KMT2C: variants seen among roughly 807,000 people sequenced by gnomAD.
The protein encoded by KMT2C is histone-lysine N-methyltransferase 2C.
KMT2C carries 88 observed loss-of-function variants against 507.9 expected under a neutral mutation model. The observed-to-expected ratio is 0.17, with a 90% CI of 0.15 to 0.21. The LOEUF (loss-of-function observed/expected upper bound fraction) is 0.21, where lower values mean the gene tolerates loss of function less well. Among genes scored for constraint, KMT2C ranks in the 10% least tolerant of loss-of-function variants. KMT2C has a pLI of 1.00. For missense variants in KMT2C, 4,954 were observed against 5,957.8 expected (o/e 0.83, Z 5.55); for synonymous variants, 2,049 against 2,080.8 (o/e 0.98, Z 0.42).
At chr7:152,290,222 G>A (rs534223249) in intron 6 of KMT2C, among the ~76,000 whole-genome samples, 1,102 of 64,940 alleles carry the variant, frequency 0.017, 19 homozygotes, top group African/African-American at 0.089. Context: ...ATATATATAT[G>A]TGTGTGTGTG....
chr7:152,387,194 T>C (rs1156512767), intron 1 of KMT2C, among the ~76,000 whole-genome samples: 2 of 149,080 alleles, frequency 1.3e-5, no homozygotes, highest in Non-Finnish European at 2.9e-5. Flanking sequence ...TTTTAACTTT[T>C]TAATTAAATA....
chr7:152,411,819 T>C (rs1045690152), intron 1 of KMT2C, among the ~76,000 whole-genome samples: 8 of 152,300 alleles, frequency 5.3e-5, no homozygotes, highest in Non-Finnish European at 8.8e-5. Flanking sequence ...GAACGCGTTT[T>C]AACATCATTT....
intron 6 of KMT2C, among the ~76,000 whole-genome samples, chr7:152,309,724 T>C (rs2096653830): frequency 6.6e-6 from 1 of 151,900 alleles, no homozygotes. Context: ...TTTTACCATG[T>C]TGGCCAGGCT....
At chr7:152,222,117 G>T (rs2129146688) in intron 21 of KMT2C, 51 bp from the exon 22 acceptor site, 1 of 1,225,914 alleles carries the variant, frequency 8.2e-7, no homozygotes, top group Non-Finnish European at 1.2e-6. Flanking sequence ...AAGGTAAAGT[G>T]TATTTAAATA....
intron 6 of KMT2C, among the ~76,000 whole-genome samples, chr7:152,284,800 A>G (rs1392842133): frequency 6.6e-6 from 1 of 152,264 alleles, no homozygotes; most frequent in Non-Finnish European, 1.5e-5. Flanking sequence ...GCAAAAAAAG[A>G]CATAAAAAGA....
intron 6 of KMT2C, among the ~76,000 whole-genome samples, chr7:152,286,247 A>G (rs1037363218): frequency 5.2e-5 from 8 of 152,428 alleles, no homozygotes; most frequent in African/African-American, 1.9e-4. Context: ...CAGAAAAAGA[A>G]TAAGAAATAA....
At chr7:152,291,427 A>T (rs2096425076) in intron 6 of KMT2C, among the ~76,000 whole-genome samples, 5 of 152,216 alleles carry the variant, frequency 3.3e-5, no homozygotes, top group Non-Finnish European at 7.4e-5. Context: ...GCTAATAAAT[A>T]ATACAGTAAA....
chr7:152,373,966 T>C (rs1188834827), intron 1 of KMT2C, among the ~76,000 whole-genome samples: 1 of 152,144 alleles, frequency 6.6e-6, no homozygotes, highest in East Asian at 1.9e-4. Context: ...TAGAATATGA[T>C]AAAGTGCTCA....
chr7:152,428,567 G>A (rs1469580362), intron 1 of KMT2C, among the ~76,000 whole-genome samples: 1 of 149,796 alleles, frequency 6.7e-6, no homozygotes, highest in Admixed American at 6.7e-5. Flanking sequence ...GGAGGCAGAG[G>A]TTGCAGTGAG....
chr7:152,199,555 A>G, intron 26 of KMT2C, 96 bp from the exon 27 acceptor site: 1 of 691,486 alleles, frequency 1.4e-6, no homozygotes, highest in Non-Finnish European at 2.3e-6. Flanking sequence ...CAGAAATAAC[A>G]GAAAAGGTTT....
intron 1 of KMT2C, among the ~76,000 whole-genome samples, chr7:152,384,053 TGTGCGTGTGTGTAG>T (rs1170548658): frequency 2.7e-5 from 4 of 150,396 alleles, no homozygotes; most frequent in African/African-American, 7.5e-5. Flanking sequence ...TCTGTGTGTG[TGTGCGTGTGTGTAG>T]GCGCGTGTGC....
chr7:152,163,440 T>C lies in KMT2C; in HGVS notation c.10137A>G (p.Pro3379=), dbSNP rs1261975137. 7.4e-6 allele frequency: 12 copies of C among 1,614,226 alleles called. No homozygotes were observed. The highest frequency in any genetic ancestry group is 1.0e-5 in the Non-Finnish European group (12 of 1,180,038). The part of the protein sequence containing the change: ...TVSNANPQSG[P]PPRVEFDDNN... ...TGTCATCAAATTCTACCCGAGGTGG[T>C]GGTCCACTCTGTGGATTTGCATTTG... The change falls in exon 43 of 59, where the codon CCA becomes CCG. Residue 3379 remains proline, a synonymous_variant. Coordinates refer to ENST00000262189, the MANE Select transcript of KMT2C (RefSeq NM_170606.3).
chr7:152,167,197 T>C lies in KMT2C; in HGVS notation c.9699A>G (p.Gln3233=). The C allele has an allele frequency of 6.2e-7, 1 of 1,614,202 alleles. No individual in the cohort carries two copies. The highest frequency in any genetic ancestry group is 8.5e-7 in the Non-Finnish European group (1 of 1,180,034). The change falls in exon 42 of 59, where the codon CAA becomes CAG. Residue 3233 remains glutamine, a synonymous_variant. Transcript: ENST00000262189. ...TTTGCTGTTCAGTAACATGCTTGAG[T>C]TGTTCTGCATCTTCCTCTGGAAATT... The part of the protein sequence containing the change: ...GREFPEEDAE[Q]LKHVTEQQSM...
chr7:152,263,928 A>G (rs1237867293), intron 8 of KMT2C, among the ~76,000 whole-genome samples: 1 of 152,190 alleles, frequency 6.6e-6, no homozygotes, highest in Non-Finnish European at 1.5e-5. Flanking sequence ...AAGAGCTGAG[A>G]GAGGAATCTC....
intron 1 of KMT2C, among the ~76,000 whole-genome samples, chr7:152,372,621 C>A (rs966531446): frequency 1.3e-5 from 2 of 152,044 alleles, no homozygotes; most frequent in Admixed American, 6.5e-5. Flanking sequence ...GACTTTGAGT[C>A]AAAAAGTGTT....
chr7:152,181,285 G>T lies in KMT2C; in HGVS notation c.6575C>A (p.Thr2192Lys), dbSNP rs765174568. 1.6e-5 allele frequency: 26 copies of T among 1,614,100 alleles called. No homozygotes were observed. Among genetic ancestry groups the T allele is most frequent in the South Asian group, 3.3e-5 (3 of 91,062 alleles). Residue 2192 changes from threonine to lysine, a missense_variant, in exon 36 of 59, where the codon ACA becomes AAA. By Grantham distance (78) the Thr-to-Lys change is moderately conservative (BLOSUM62 -1). This residue lies in a region of KMT2C where 1,689 missense variants were observed against 1,654.3 expected (regional missense o/e 1.02). Coordinates refer to ENST00000262189, the MANE Select transcript of KMT2C (RefSeq NM_170606.3). ...AGAATGCCTCTGATTTGTTACAGGT[G>T]TAACAAACAAGTCAGTTTGTGTAGA... ...RPSTQTDLFVTPVTNQRHSDP... is the reference protein window; with the variant it reads ...RPSTQTDLFVKPVTNQRHSDP...
At chr7:152,274,103 A>G (rs1195805843) in intron 6 of KMT2C, among the ~76,000 whole-genome samples, 6 of 152,206 alleles carry the variant, frequency 3.9e-5, no homozygotes, top group East Asian at 1.9e-4. Flanking sequence ...TTCATTCCTT[A>G]TATTTTCAAA....
At chr7:152,386,117 T>C (rs2097423709) in intron 1 of KMT2C, among the ~76,000 whole-genome samples, 1 of 146,132 alleles carries the variant, frequency 6.8e-6, no homozygotes, top group African/African-American at 2.5e-5. Flanking sequence ...TAAAAATAAA[T>C]AAAAGCACAG....
At chr7:152,278,231 T>C (rs1162031894) in intron 6 of KMT2C, among the ~76,000 whole-genome samples, 2 of 152,278 alleles carry the variant, frequency 1.3e-5, no homozygotes, top group South Asian at 4.1e-4. Context: ...CTATGTGAGA[T>C]GCCTGCTCCC....
Sources: gnomAD v4.1 joint callset for allele counts (sites outside exome capture counted in the v4.1 genomes callset) on GRCh38, gnomAD v4.1.1 for gene constraint, gnomAD v4.1.1 regional missense constraint, MANE v1.5 for transcripts, NCBI Gene and HGNC (gene_info 2026-07-23, HGNC 2026-07-21) for gene names.